RNF138: variants seen among roughly 807,000 people sequenced by gnomAD.
RNF138 encodes E3 ubiquitin-protein ligase RNF138.
RNF138 carries 12 observed loss-of-function variants against 31.0 expected under a neutral mutation model. That is an observed-to-expected ratio of 0.39 (90% CI 0.25 to 0.63). The LOEUF is 0.63. Ranked by LOEUF, RNF138 falls within the 20% of genes least tolerant of loss-of-function variation. The pLI, the probability that RNF138 is intolerant of heterozygous loss-of-function variation, is 0.52. For synonymous variants in RNF138, 105 were observed against 99.5 expected (o/e 1.06, Z -0.33); for missense variants, 192 against 300.1 (o/e 0.64, Z 2.66).
At chr18:32,096,474 G>A (rs763384869) in intron 2 of RNF138, among the ~76,000 whole-genome samples, 18 of 151,940 alleles carry the variant, frequency 1.2e-4, no homozygotes, top group Non-Finnish European at 2.4e-4. Context: ...CTAAAGCTGT[G>A]GGTGTCGAAG....
chr18:32,108,243 A>T (rs2040069458), intron 2 of RNF138, among the ~76,000 whole-genome samples: 1 of 152,124 alleles, frequency 6.6e-6, no homozygotes, highest in Non-Finnish European at 1.5e-5. Context: ...AATTGAGTAC[A>T]CCCATATCAA....
intron 2 of RNF138, 122 bp from the exon 3 acceptor site, chr18:32,111,632 A>T: frequency 1.3e-6 from 1 of 763,256 alleles, no homozygotes; most frequent in Non-Finnish European, 2.1e-6. Flanking sequence ...AGATTTATGT[A>T]CATATGAGTA....
At chr18:32,128,238 G>A (rs926299203) in intron 7 of RNF138, among the ~76,000 whole-genome samples, 1 of 152,110 alleles carries the variant, frequency 6.6e-6, no homozygotes, top group South Asian at 2.1e-4. Context: ...TCATGTTATG[G>A]TTAAGAATTT....
intron 5 of RNF138, chr18:32,124,233 CT>C (rs1359744215): frequency 2.0e-5 from 3 of 153,390 alleles, no homozygotes; most frequent in African/African-American, 7.2e-5. Flanking sequence ...ATGATCAGTG[CT>C]TTTGTTTTTT....
intron 5 of RNF138, chr18:32,124,493 G>GTTTTT (rs1338564923): frequency 2.6e-6 from 1 of 381,670 alleles, no homozygotes; most frequent in African/African-American, 2.0e-5. Flanking sequence ...TTTTGTTTTT[G>GTTTTT]TTTTGGCCTA....
At chr18:32,095,663 A>G (rs183544777) in intron 2 of RNF138, among the ~76,000 whole-genome samples, 64 of 152,330 alleles carry the variant, frequency 4.2e-4, no homozygotes, top group Middle Eastern at 3.4e-3. Flanking sequence ...TGCCATTTCA[A>G]TGACAGGAAA....
intron 2 of RNF138, among the ~76,000 whole-genome samples, chr18:32,098,688 TA>T (rs369559489): frequency 6.6e-6 from 1 of 151,748 alleles, no homozygotes. Flanking sequence ...CTGTCTCTAC[TA>T]AAAATACAAA....
chr18:32,110,935 C>T (rs961560012), intron 2 of RNF138, among the ~76,000 whole-genome samples: 3 of 152,096 alleles, frequency 2.0e-5, no homozygotes, highest in African/African-American at 7.2e-5. Context: ...CGCCTGTCAC[C>T]ACGCCCGGCT....
At chr18:32,100,742 T>C (rs1301077721) in intron 2 of RNF138, among the ~76,000 whole-genome samples, 1 of 151,914 alleles carries the variant, frequency 6.6e-6, no homozygotes, top group Non-Finnish European at 1.5e-5. Flanking sequence ...TACCAAAGTG[T>C]TGGGATTACA....
chr18:32,099,155 TG>T (rs2039871486), intron 2 of RNF138, among the ~76,000 whole-genome samples: 1 of 152,164 alleles, frequency 6.6e-6, no homozygotes, highest in Non-Finnish European at 1.5e-5. Context: ...AGACCTTTTT[TG>T]GTTATAGGGT....
chr18:32,092,655 G>T (rs746029955), intron 1 of RNF138, 45 bp from the exon 2 acceptor site: 5 of 665,866 alleles, frequency 7.5e-6, no homozygotes, highest in Non-Finnish European at 1.1e-5. Context: ...CCTGGCGCGC[G>T]CTGTATCCTG....
intron 2 of RNF138, among the ~76,000 whole-genome samples, chr18:32,102,298 T>G (rs1262239578): frequency 7.1e-6 from 1 of 141,776 alleles, no homozygotes; most frequent in East Asian, 2.2e-4. Context: ...ACCTCCCAGG[T>G]TCACACCATT....
At chr18:32,092,648 GGC>G (rs759768577) in intron 1 of RNF138, 50 bp from the exon 2 acceptor site, 6 of 658,070 alleles carry the variant, frequency 9.1e-6, no homozygotes, top group South Asian at 4.9e-5. Flanking sequence ...CCCCCTTCCT[GGC>G]GCGCGCTGTA....
intron 7 of RNF138, among the ~76,000 whole-genome samples, chr18:32,127,276 A>C (rs1463531586): frequency 6.6e-6 from 1 of 151,820 alleles, no homozygotes; most frequent in Admixed American, 6.6e-5. Context: ...AGAGACTAAG[A>C]GTGTAAGAGA....
In RNF138 at chr18:32,130,631, A is replaced by G. The variant is rs1191385494; in HGVS notation, c.*1444A>G. On this transcript the variant is annotated 3_prime_UTR_variant, in exon 8 of 8. Coordinates refer to ENST00000261593, the MANE Select transcript of RNF138 (RefSeq NM_016271.5). The stretch of plus-strand genomic sequence containing the variant: ...ATATACATATATTGTATAAAAAGGT[A>G]TATTTTGGTTTTGTTAAAACCCTTG... The G allele has an allele frequency of 6.6e-6, 1 of 152,478 alleles. No homozygotes were observed. The highest frequency in any genetic ancestry group is 1.5e-5 in the Non-Finnish European group (1 of 67,898). The allele number at this position is 152,478 out of a possible 1,614,324, so 9.4% of individuals were successfully genotyped here.
intron 4 of RNF138, among the ~76,000 whole-genome samples, chr18:32,120,548 T>TA (rs1353709820): frequency 6.6e-6 from 1 of 152,132 alleles, no homozygotes; most frequent in Non-Finnish European, 1.5e-5. Context: ...CATAAGTTTT[T>TA]AAAAAAATAA....
At position 32,129,550 on chromosome 18, in the gene RNF138, C is replaced by CA; in HGVS notation, c.*364dup. 5.9e-6 allele frequency: 1 copy of CA among 169,522 alleles called. No homozygotes were observed. Among genetic ancestry groups the CA allele is most frequent in the South Asian group, 1.6e-4 (1 of 6,158 alleles). The allele number at this position is 169,522 out of a possible 1,614,324, so 10.5% of individuals were successfully genotyped here. On this transcript the variant is annotated 3_prime_UTR_variant, in exon 8 of 8. Transcript: ENST00000261593. ...ACTTTATTATTGTACACATTTAACACACAGTAGCAAATTTTGAACGATGTG... is the reference window on the plus strand; with the variant it reads ...ACTTTATTATTGTACACATTTAACACAACAGTAGCAAATTTTGAACGATGTG...
chr18:32,113,677 C>T, intron 3 of RNF138, 68 bp from the exon 4 acceptor site: 1 of 676,500 alleles, frequency 1.5e-6, no homozygotes, highest in South Asian at 2.5e-5. Context: ...ATTTTTTCCT[C>T]TCTTTACACT....
At chr18:32,094,636 G>A (rs1018805009) in intron 2 of RNF138, among the ~76,000 whole-genome samples, 2 of 151,960 alleles carry the variant, frequency 1.3e-5, no homozygotes, top group African/African-American at 2.4e-5. Flanking sequence ...AGGTGTCTAG[G>A]GCACAATATA....
Sources: allele counts gnomAD v4.1 joint callset (sites outside exome capture counted in the v4.1 genomes callset), GRCh38; gene constraint gnomAD v4.1.1; transcripts MANE v1.5; gene names NCBI Gene and HGNC (gene_info 2026-07-23, HGNC 2026-07-21).